The following ESYT2 variants were observed in gnomAD, a reference collection of about 807,000 sequenced individuals.
ESYT2 encodes the protein extended synaptotagmin 2, also known as extended synaptotagmin-2.
A neutral mutation model predicts 107.2 loss-of-function variants in ESYT2; 54 were observed. That is an observed-to-expected ratio of 0.50 (90% CI 0.40 to 0.63). The LOEUF is 0.63. ESYT2 is among the 30% of genes least tolerant of loss of function. The pLI, the probability that ESYT2 is intolerant of heterozygous loss-of-function variation, is 0.00. For missense variants in ESYT2, 1,020 were observed against 1,094.5 expected (o/e 0.93, Z 0.96); for synonymous variants, 491 against 434.1 (o/e 1.13, Z -1.63).
chr7:158,820,686 T>C (rs1454010332), intron 1 of ESYT2, among the ~76,000 whole-genome samples: 2 of 152,168 alleles, frequency 1.3e-5, no homozygotes, highest in African/African-American at 4.8e-5. Context: ...CTGGGGAGGC[T>C]GAGGCGGGAG....
At chr7:158,807,543 T>C (rs569473164) in intron 1 of ESYT2, among the ~76,000 whole-genome samples, 1 of 152,256 alleles carries the variant, frequency 6.6e-6, no homozygotes, top group South Asian at 2.1e-4. Context: ...ATGAAAACAC[T>C]AGTACTTTTT....
At chr7:158,828,630 A>C (rs2129474548) in intron 1 of ESYT2, among the ~76,000 whole-genome samples, 1 of 151,986 alleles carries the variant, frequency 6.6e-6, no homozygotes, top group East Asian at 1.9e-4. Flanking sequence ...GCGGGCGGGG[A>C]AGCGGAGAAG....
chr7:158,807,456 T>C (rs2129473865), intron 1 of ESYT2, among the ~76,000 whole-genome samples: 1 of 152,202 alleles, frequency 6.6e-6, no homozygotes, highest in South Asian at 2.1e-4. Context: ...GGTCGGAAAT[T>C]TACCACCCTA....
intron 6 of ESYT2, among the ~76,000 whole-genome samples, chr7:158,782,613 A>G (rs1307015573): frequency 6.6e-6 from 1 of 150,478 alleles, no homozygotes; most frequent in Non-Finnish European, 1.5e-5. Flanking sequence ...AGCGTGTGAC[A>G]AATGAGAACA....
chr7:158,748,189 A>G lies in ESYT2; in HGVS notation c.1644+5T>C, dbSNP rs184247776. 246 of 1,612,950 alleles carry G rather than the reference A, an allele frequency of 1.5e-4. 1 individual carries two copies. In the East Asian group the frequency reaches 4.8e-3, roughly 32 times the overall value. ...TAAATTGGTTAAAAAATGCAAATAA[A>G]ATACCTCAACTTCAAGGTCCTGGCG... On this transcript the variant is annotated splice_donor_5th_base_variant and intron_variant, in intron 16 of 22. Coordinates refer to ENST00000275418, the MANE Select transcript of ESYT2 (RefSeq NM_001367773.1).
At chr7:158,823,101 T>C (rs1840332086) in intron 1 of ESYT2, among the ~76,000 whole-genome samples, 1 of 151,678 alleles carries the variant, frequency 6.6e-6, no homozygotes, top group African/African-American at 2.4e-5. Context: ...AAGACCAGCC[T>C]GGGCAACATG....
intron 1 of ESYT2, among the ~76,000 whole-genome samples, chr7:158,802,959 AACCCTT>A (rs1489726895): frequency 2.0e-5 from 3 of 152,260 alleles, no homozygotes; most frequent in African/African-American, 7.2e-5. Flanking sequence ...AATGCTGCAT[AACCCTT>A]TAGGCACTAT....
chr7:158,805,169 C>A (rs568835338), intron 1 of ESYT2, among the ~76,000 whole-genome samples: 8 of 152,256 alleles, frequency 5.3e-5, no homozygotes, highest in African/African-American at 1.7e-4. Flanking sequence ...TAATTTGGTA[C>A]CAACACAAAT....
At chr7:158,735,667 T>A in intron 20 of ESYT2, 59 bp from the exon 21 acceptor site, 1 of 1,416,340 alleles carries the variant, frequency 7.1e-7, no homozygotes, top group Non-Finnish European at 9.9e-7. Context: ...TTCTTATAAC[T>A]AAAAATGGCA....
Position 158,821,348 on chromosome 7 carries a change from T to G in ESYT2, c.330+7741A>C, listed in dbSNP as rs577226224. On this transcript the variant is annotated intron_variant, in intron 1 of 22. Transcript: ENST00000275418. ...AAGATCGCCTATTTGAAGAAAAGTG[T>G]GATGGGTACTCCCGGCTATTACAGT... 3.9e-5 allele frequency among the ~76,000 whole-genome samples: 6 copies of G among 152,300 alleles called. No individual in the cohort carries two copies. In the East Asian group the frequency reaches 9.6e-4, roughly 24 times the overall value.
chr7:158,808,941 AC>A (rs1839911251), intron 1 of ESYT2, among the ~76,000 whole-genome samples: 1 of 151,988 alleles, frequency 6.6e-6, no homozygotes, highest in Non-Finnish European at 1.5e-5. Context: ...GCGCCATTAC[AC>A]TCCAGCCTGG....
chr7:158,741,255 G>A (rs1208331891), intron 18 of ESYT2, among the ~76,000 whole-genome samples: 1 of 152,190 alleles, frequency 6.6e-6, no homozygotes, highest in Non-Finnish European at 1.5e-5. Flanking sequence ...GCTGCCTCCT[G>A]TCTTTCCTAC....
chr7:158,746,879 A>G (rs1035652133), intron 16 of ESYT2, among the ~76,000 whole-genome samples: 1 of 152,018 alleles, frequency 6.6e-6, no homozygotes, highest in South Asian at 2.1e-4. Flanking sequence ...AAAATAAAAT[A>G]ATTCTCTACA....
At chr7:158,768,466 C>G (rs1010975725) in intron 7 of ESYT2, among the ~76,000 whole-genome samples, 5 of 152,218 alleles carry the variant, frequency 3.3e-5, no homozygotes, top group African/African-American at 1.2e-4. Flanking sequence ...GTTGCCCAGG[C>G]TGGAGTACAA....
intron 4 of ESYT2, among the ~76,000 whole-genome samples, chr7:158,793,160 A>C (rs1313648230): frequency 2.0e-5 from 3 of 152,124 alleles, no homozygotes; most frequent in Non-Finnish European, 4.4e-5. Flanking sequence ...TGTTTTTATC[A>C]TGAAAGGGTA....
intron 1 of ESYT2, 54 bp downstream of exon 1, chr7:158,829,035 G>GA: frequency 6.4e-7 from 1 of 1,556,778 alleles, no homozygotes; most frequent in South Asian, 1.2e-5. Flanking sequence ...GCCTGGACGA[G>GA]GGGAGATCGG....
rs1251266503 is a variant in ESYT2, at chr7:158,829,098, C to G, written c.321G>C (p.Leu107=). ...AGGGGTCTGCACTCACCCAGGCGGG[C>G]AGGTCGCAGGCGCGCACCCCCAGGC... The part of the protein sequence containing the change: ...VVRLGVRACD[L]PAWVHFPDTE... Residue 107 remains leucine (L), a synonymous_variant, in exon 1 of 23, where the codon CTG becomes CTC. Coordinates refer to ENST00000275418, the MANE Select transcript of ESYT2 (RefSeq NM_001367773.1). 1.9e-6 allele frequency: 3 copies of G among 1,583,194 alleles called. No individual in the cohort carries two copies. Among genetic ancestry groups the G allele is most frequent in the Non-Finnish European group, 2.6e-6 (3 of 1,173,898 alleles).
intron 1 of ESYT2, among the ~76,000 whole-genome samples, chr7:158,810,772 A>G (rs528006541): frequency 6.6e-6 from 1 of 152,202 alleles, no homozygotes; most frequent in Non-Finnish European, 1.5e-5. Flanking sequence ...CTCTAGAGAC[A>G]AAGCGAATTA....
chr7:158,787,920 G>T, intron 6 of ESYT2, 84 bp downstream of exon 6: 1 of 1,101,782 alleles, frequency 9.1e-7, no homozygotes, highest in Non-Finnish European at 1.4e-6. Context: ...ATAAAATTTT[G>T]TTTCTCCACT....
Sources: gnomAD v4.1 joint callset for allele counts (sites outside exome capture counted in the v4.1 genomes callset) on GRCh38, gnomAD v4.1.1 for gene constraint, MANE v1.5 for transcripts, NCBI Gene and HGNC (gene_info 2026-07-23, HGNC 2026-07-21) for gene names.